Variants in TPCN1 observed in about 807,000 individuals in gnomAD.
TPCN1 encodes the protein two pore segment channel 1, also known as two pore channel protein 1.
TPCN1 carries 52 observed loss-of-function variants against 108.8 expected under a neutral mutation model. That is an observed-to-expected ratio of 0.48 (90% confidence interval 0.38 to 0.60). TPCN1 has a LOEUF of 0.60. Among genes scored for constraint, TPCN1 ranks in the 20% least tolerant of loss-of-function variants. The pLI is 0.00. For synonymous variants in TPCN1, 446 were observed against 433.7 expected, an observed-to-expected ratio of 1.03 and a Z score of -0.35; for missense variants, 806 against 1,072.8, an observed-to-expected ratio of 0.75 and a Z score of 3.47.
rs539346114 is a variant in TPCN1 at position 113,274,396 on chromosome 12, C to T, written c.942+728C>T. Among the ~76,000 whole-genome samples, 89 of 151,762 alleles carry T rather than the reference C, an allele frequency of 5.9e-4. 3 individuals are homozygous for T. In the South Asian group the frequency reaches 0.011, roughly 19 times the overall value. On this transcript the variant is annotated intron_variant, in intron 10 of 27. Coordinates refer to ENST00000335509, the MANE Select transcript of TPCN1 (RefSeq NM_017901.6). Reference sequence around the variant, plus strand: ...CCAGGAGGTGGAGGTTGCTGTGAGCCGAGATCATGCCGTTGCACTCCAGCC... The same window carrying T: ...CCAGGAGGTGGAGGTTGCTGTGAGCTGAGATCATGCCGTTGCACTCCAGCC...
rs947950880 is a variant in TPCN1, at chr12:113,232,131, G to A, written c.112+5167G>A. 4.6e-5 allele frequency among the ~76,000 whole-genome samples: 7 copies of A among 152,232 alleles called. No homozygotes were observed. Among genetic ancestry groups the A allele is most frequent in the South Asian group, 2.1e-4 (1 of 4,826 alleles). On this transcript the variant is annotated intron_variant, in intron 2 of 27. Coordinates refer to ENST00000335509, the MANE Select transcript of TPCN1 (RefSeq NM_017901.6). The surrounding 1 kb of genome is among the most constrained non-coding windows in gnomAD (Gnocchi z 5.6). The stretch of plus-strand genomic sequence containing the variant: ...GGCTGAGGTCTGAGCAGGATGCTCC[G>A]TCTCTGCTTTGGTGCCGGGTTGTTT...
At chr12:113,270,063 G>A (rs543041982) in intron 7 of TPCN1, among the ~76,000 whole-genome samples, 1 of 152,212 alleles carries the variant, frequency 6.6e-6, no homozygotes, top group Non-Finnish European at 1.5e-5. Context: ...GGGCGTGGTG[G>A]TGCACACCTG....
rs1321068851 is a variant in TPCN1 at position 113,266,663 on chromosome 12, A to C, written c.414+307A>C. On this transcript the variant is annotated intron_variant, in intron 4 of 27. Transcript: ENST00000335509. The surrounding 1 kb of genome is among the most constrained non-coding windows in gnomAD (Gnocchi z 4.2). ...CGGGTGGGGAGGGCACCCAGTGGAC[A>C]GTCCCACTACTCTGTCTCCAGCCTC... 6.6e-6 allele frequency among the ~76,000 whole-genome samples: 1 copy of C among 152,180 alleles called. No individual in the cohort carries two copies. Among genetic ancestry groups the C allele is most frequent in the Admixed American group, 6.5e-5 (1 of 15,288 alleles).
At chr12:113,262,812 C>T (rs1311601811) in intron 3 of TPCN1, among the ~76,000 whole-genome samples, 1 of 152,232 alleles carries the variant, frequency 6.6e-6, no homozygotes, top group Admixed American at 6.5e-5. Context: ...TCCCACTTTA[C>T]AGATGTGGCA....
intron 10 of TPCN1, 73 bp from the exon 11 acceptor site, chr12:113,276,846 C>T: frequency 9.8e-7 from 1 of 1,023,702 alleles, no homozygotes; most frequent in South Asian, 1.3e-5. Context: ...AGATGATGAA[C>T]TCATACCCCC....
At chr12:113,241,852 G>A (rs977319805) in intron 2 of TPCN1, among the ~76,000 whole-genome samples, 11 of 151,914 alleles carry the variant, frequency 7.2e-5, no homozygotes, top group Middle Eastern at 3.4e-3. Context: ...TTTTTAAAGC[G>A]TCTAAAACAC....
chr12:113,271,084 C>T (rs930625667), intron 7 of TPCN1, among the ~76,000 whole-genome samples: 1 of 151,688 alleles, frequency 6.6e-6, no homozygotes, highest in Non-Finnish European at 1.5e-5. Context: ...ATAGGGAGAC[C>T]CCATCTCTAC....
chr12:113,291,167 G>A (rs1431635702), intron 23 of TPCN1, among the ~76,000 whole-genome samples, 169 bp downstream of exon 23: 3 of 152,118 alleles, frequency 2.0e-5, no homozygotes, highest in Non-Finnish European at 4.4e-5. Context: ...TGGGCCCCAG[G>A]AGCCACCCCT....
At position 113,293,002 on chromosome 12, in the gene TPCN1, C is replaced by T. The variant is rs377554154; in HGVS notation, c.2182C>T (p.Arg728Trp). 2.9e-5 allele frequency: 47 copies of T among 1,613,216 alleles called. No homozygotes were observed. Among genetic ancestry groups the T allele is most frequent in the Non-Finnish European group, 3.8e-5 (45 of 1,180,018 alleles). The change falls in exon 26 of 28, where the codon CGG becomes TGG. Residue 728 changes from arginine (R) to tryptophan (W), a missense_variant. Arg to Trp is a moderately radical substitution (Grantham distance 101). Coordinates refer to ENST00000335509, the MANE Select transcript of TPCN1 (RefSeq NM_017901.6). ...GCTGGTTGCCGTCCTGGAGCTCTAC[C>T]GGGAGGCACGGGGGGCCTCCTCGGA... ...EELVAVLELY[R>W]EARGASSDVT...
Position 113,269,949 on chromosome 12 carries a change from C to T in TPCN1, c.748+104C>T. ...CAGTGGCTCACGCCTGTAATCCTAGCATTTTGGGAGGCCAAGGTGGGTGGG... is the reference window on the plus strand; with the variant it reads ...CAGTGGCTCACGCCTGTAATCCTAGTATTTTGGGAGGCCAAGGTGGGTGGG... On this transcript the variant is annotated intron_variant, in intron 7 of 27. Transcript: ENST00000335509. The surrounding 1 kb of genome is among the most constrained non-coding windows in gnomAD (Gnocchi z 5.0). 7.6e-7 allele frequency: 1 copy of T among 1,314,404 alleles called. No individual in the cohort carries two copies. Among genetic ancestry groups the T allele is most frequent in the South Asian group, 1.3e-5 (1 of 79,398 alleles). The allele number at this position is 1,314,404 out of a possible 1,614,324, so 81.4% of individuals were successfully genotyped here. A position where few individuals can be genotyped will look rare whatever the true frequency, so the allele number is the denominator to read the frequency against.
intron 1 of TPCN1, among the ~76,000 whole-genome samples, chr12:113,223,189 G>A (rs1029564460): frequency 3.9e-5 from 6 of 152,312 alleles, no homozygotes; most frequent in Middle Eastern, 3.4e-3. Context: ...AGAGAGCTAC[G>A]GGCTTAGCAG....
Position 113,297,144 on chromosome 12 carries a change from C to T in TPCN1, c.*1068C>T, listed in dbSNP as rs1352611383. ...TGCAGAAGTAGGTTCAGATGAACCT[C>T]AGTTAACGTCGCCACCCCTCCTCCC... On this transcript the variant is annotated 3_prime_UTR_variant, in exon 28 of 28. Transcript: ENST00000335509. This position sits in a 1 kb window ranked among gnomAD's most constrained non-coding sequence, Gnocchi z 4.4. The T allele has an allele frequency of 6.6e-6, 1 of 152,528 alleles. No individual in the cohort carries two copies. The highest frequency in any genetic ancestry group is 1.9e-4 in the East Asian group (1 of 5,170). The allele number at this position is 152,528 out of a possible 1,614,324, so 9.4% of individuals were successfully genotyped here.
In TPCN1 at chr12:113,245,699, C is replaced by T. The variant is rs143807236; in HGVS notation, c.113-14669C>T. 2.8e-3 allele frequency among the ~76,000 whole-genome samples: 419 copies of T among 152,266 alleles called. 3 individuals are homozygous for T. Among genetic ancestry groups the T allele is most frequent in the Non-Finnish European group, 4.5e-3 (304 of 68,010 alleles). ...CTCTGCTTTTTCTGATCAGAGCTCC[C>T]TCCCAGGAGGGGCCCTTTTATCCAA... On this transcript the variant is annotated intron_variant, in intron 2 of 27. Transcript: ENST00000335509.
chr12:113,296,830 A>T lies in TPCN1; in HGVS notation c.*754A>T, dbSNP rs1956443602. 1 of 152,298 alleles carries T rather than the reference A, an allele frequency of 6.6e-6. No individual in the cohort carries two copies. The highest frequency in any genetic ancestry group is 1.5e-5 in the Non-Finnish European group (1 of 68,082). 9.4% of individuals were successfully genotyped at this position (152,298 alleles called of 1,614,324 possible). A position where few individuals can be genotyped will look rare whatever the true frequency, so the allele number is the denominator to read the frequency against. Reference sequence around the variant, plus strand: ...CCCAGAACCCGGAGGAAGGGGCATGAGGCAGGAAGTGGGGCCGATGTCTGC... The same window carrying T: ...CCCAGAACCCGGAGGAAGGGGCATGTGGCAGGAAGTGGGGCCGATGTCTGC... On this transcript the variant is annotated 3_prime_UTR_variant, in exon 28 of 28. Coordinates refer to ENST00000335509, the MANE Select transcript of TPCN1 (RefSeq NM_017901.6).
chr12:113,240,142 C>T (rs997133740), intron 2 of TPCN1, among the ~76,000 whole-genome samples: 5 of 152,248 alleles, frequency 3.3e-5, no homozygotes, highest in Middle Eastern at 6.8e-3. Flanking sequence ...TTCAACAGGG[C>T]GCAGATTTTA....
At chr12:113,227,110 C>T (rs1953499282) in intron 2 of TPCN1, 146 bp downstream of exon 2, 1 of 671,166 alleles carries the variant, frequency 1.5e-6, no homozygotes, top group Non-Finnish European at 2.5e-6. Flanking sequence ...ACAGAAACTA[C>T]TCCTGGGAGG....
Position 113,268,276 on chromosome 12 carries a change from G to A in TPCN1, c.528+320G>A, listed in dbSNP as rs941390020. Among the ~76,000 whole-genome samples the A allele has an allele frequency of 2.6e-5, 4 of 152,194 alleles. No homozygotes were observed. The highest frequency in any genetic ancestry group is 9.7e-5 in the African/African-American group (4 of 41,448). On this transcript the variant is annotated intron_variant, in intron 5 of 27. Coordinates refer to ENST00000335509, the MANE Select transcript of TPCN1 (RefSeq NM_017901.6). This position sits in a 1 kb window ranked among gnomAD's most constrained non-coding sequence, Gnocchi z 7.3. ...ACACCCAGCTCTGCCCACTGCGCCC[G>A]GCTCACCTGTCCCTAGTGTTGCGCA...
chr12:113,244,655 G>A, intron 2 of TPCN1: 1 of 985,418 alleles, frequency 1.0e-6, no homozygotes, highest in Non-Finnish European at 1.2e-6. Context: ...CCCATGGTGT[G>A]GGGCTCTCAG....
At chr12:113,239,109 G>T (rs1240864665) in intron 2 of TPCN1, among the ~76,000 whole-genome samples, 5 of 152,158 alleles carry the variant, frequency 3.3e-5, no homozygotes, top group African/African-American at 1.2e-4. Flanking sequence ...ACTCGAGCCT[G>T]GGCATAGAGT....
Sources: gnomAD v4.1 joint callset for allele counts (sites outside exome capture counted in the v4.1 genomes callset) on GRCh38, gnomAD v4.1.1 for gene constraint, Gnocchi (gnomAD v3.1) non-coding constraint, MANE v1.5 for transcripts, NCBI Gene and HGNC (gene_info 2026-07-23, HGNC 2026-07-21) for gene names.